The following CADM2 variants were observed in gnomAD, a reference collection of about 807,000 sequenced individuals.
CADM2 encodes immunoglobulin superfamily member 4D.
A neutral mutation model predicts 49.8 loss-of-function variants in CADM2; 12 were observed. That is an observed-to-expected ratio of 0.24 (90% confidence interval 0.15 to 0.39). CADM2 has a LOEUF of 0.39. CADM2 is among the 10% of genes least tolerant of loss of function. The pLI is 1.00. For synonymous variants in CADM2, 214 were observed against 175.4 expected (o/e 1.22, Z -1.74); for missense variants, 378 against 492.3 (o/e 0.77, Z 2.20).
intron 1 of CADM2, among the ~76,000 whole-genome samples, chr3:85,005,880 G>A (rs909998950): frequency 5.3e-5 from 8 of 151,948 alleles, no homozygotes; most frequent in Non-Finnish European, 7.4e-5. Context: ...ACTTAAAGTG[G>A]GATTCAATTA....
chr3:85,459,484 C>T (rs2038141391), intron 1 of CADM2, among the ~76,000 whole-genome samples: 1 of 152,110 alleles, frequency 6.6e-6, no homozygotes, highest in Non-Finnish European at 1.5e-5. Flanking sequence ...GGGGACTACG[C>T]TGTGTCAAAC....
chr3:85,318,263 A>C (rs60794345), intron 1 of CADM2, among the ~76,000 whole-genome samples: 12,018 of 152,078 alleles, frequency 0.079, 905 homozygotes, highest in African/African-American at 0.2. Flanking sequence ...AACAGGGAGA[A>C]AAAGTCATAT....
intron 1 of CADM2, among the ~76,000 whole-genome samples, chr3:85,291,511 G>C (rs1195179414): frequency 6.8e-6 from 1 of 147,504 alleles, no homozygotes; most frequent in Non-Finnish European, 1.5e-5. Flanking sequence ...TTGAAATGAA[G>C]GAAAAAATGT....
chr3:85,410,633 G>T (rs537121534), intron 1 of CADM2, among the ~76,000 whole-genome samples: 1 of 152,286 alleles, frequency 6.6e-6, no homozygotes, highest in South Asian at 2.1e-4. Context: ...TGCCGAAACA[G>T]TTAAAAAGAG....
chr3:85,119,476 A>G (rs1170104891), intron 1 of CADM2, among the ~76,000 whole-genome samples: 1 of 152,004 alleles, frequency 6.6e-6, no homozygotes, highest in Non-Finnish European at 1.5e-5. Context: ...TCTTAGGTAT[A>G]TGGGCTCCTT....
At chr3:85,389,132 T>C (rs1246962632) in intron 1 of CADM2, among the ~76,000 whole-genome samples, 5 of 152,140 alleles carry the variant, frequency 3.3e-5, no homozygotes, top group Non-Finnish European at 7.4e-5. Flanking sequence ...ATGTCACTTA[T>C]GTGCATTTCT....
At chr3:85,739,703 A>G (rs980876167) in intron 2 of CADM2, among the ~76,000 whole-genome samples, 5 of 152,156 alleles carry the variant, frequency 3.3e-5, no homozygotes, top group African/African-American at 9.6e-5. Context: ...CAAAGCATTT[A>G]TAGTTACAGG....
chr3:85,662,483 T>G (rs1259794855), intron 1 of CADM2, among the ~76,000 whole-genome samples: 1 of 151,940 alleles, frequency 6.6e-6, no homozygotes, highest in Non-Finnish European at 1.5e-5. Flanking sequence ...AGAAAACTTC[T>G]CAAACCACTC....
At position 84,972,970 on chromosome 3, in the gene CADM2, A is replaced by G. The variant is rs553318411; in HGVS notation, c.61+13302A>G. Reference sequence around the variant, plus strand: ...TGCTCTGTCGCCCAGGCTAGAGTGCAGTGGCATGATCCTGCCTCACTGCAA... The same window carrying G: ...TGCTCTGTCGCCCAGGCTAGAGTGCGGTGGCATGATCCTGCCTCACTGCAA... On this transcript the variant is annotated intron_variant, in intron 1 of 9. Coordinates refer to ENST00000383699, the MANE Select transcript of CADM2 (RefSeq NM_001167675.2). Among the ~76,000 whole-genome samples, 3 of 152,238 alleles carry G rather than the reference A, an allele frequency of 2.0e-5. No homozygotes were observed. The East Asian group carries it at 5.8e-4, about 29-fold the overall frequency.
At chr3:85,087,449 C>G (rs1051100269) in intron 1 of CADM2, among the ~76,000 whole-genome samples, 3 of 152,118 alleles carry the variant, frequency 2.0e-5, no homozygotes, top group East Asian at 1.9e-4. Flanking sequence ...GTTCAGTGAG[C>G]TTTATACATT....
chr3:86,004,829 T>A (rs146399043), intron 8 of CADM2, among the ~76,000 whole-genome samples: 1 of 152,186 alleles, frequency 6.6e-6, no homozygotes, highest in African/African-American at 2.4e-5. Context: ...GGACTGAAGT[T>A]CAGTGGTAAC....
intron 2 of CADM2, among the ~76,000 whole-genome samples, chr3:85,785,084 T>G (rs2070897875): frequency 6.6e-6 from 1 of 152,124 alleles, no homozygotes; most frequent in Non-Finnish European, 1.5e-5. Flanking sequence ...GTTAACATAA[T>G]AAACTCTAAT....
chr3:85,665,485 A>T (rs952323581), intron 1 of CADM2, among the ~76,000 whole-genome samples: 76 of 151,906 alleles, frequency 5.0e-4, no homozygotes, highest in Non-Finnish European at 1.8e-4. Flanking sequence ...GTAACAGTTA[A>T]TTTTGTTTTG....
intron 1 of CADM2, among the ~76,000 whole-genome samples, chr3:85,158,133 A>G (rs1050598086): frequency 2.0e-4 from 30 of 152,238 alleles, no homozygotes; most frequent in African/African-American, 6.8e-4. Context: ...AATCGAAACC[A>G]CAATGAGATA....
intron 1 of CADM2, among the ~76,000 whole-genome samples, chr3:85,366,809 C>A (rs576135715): frequency 6.6e-6 from 1 of 152,002 alleles, no homozygotes; most frequent in African/African-American, 2.4e-5. Flanking sequence ...TTATGTCAAT[C>A]TTTTATGTTT....
intron 1 of CADM2, among the ~76,000 whole-genome samples, chr3:85,491,900 G>A (rs938865406): frequency 7.3e-5 from 11 of 150,962 alleles, no homozygotes; most frequent in Non-Finnish European, 1.2e-4. Flanking sequence ...TGCAGTGAGC[G>A]GAGATCGCGC....
intron 3 of CADM2, among the ~76,000 whole-genome samples, chr3:85,853,792 A>G (rs1301531862): frequency 6.6e-6 from 1 of 152,100 alleles, no homozygotes; most frequent in African/African-American, 2.4e-5. Flanking sequence ...TAATATATAA[A>G]TGTTATTAGT....
intron 1 of CADM2, among the ~76,000 whole-genome samples, chr3:85,563,648 G>A (rs2062166295): frequency 6.6e-6 from 1 of 152,072 alleles, no homozygotes; most frequent in South Asian, 2.1e-4. Flanking sequence ...CTTAAAAAAG[G>A]GAGCGGAATT....
At chr3:85,289,935 G>A (rs368396069) in intron 1 of CADM2, among the ~76,000 whole-genome samples, 1 of 152,158 alleles carries the variant, frequency 6.6e-6, no homozygotes, top group South Asian at 2.1e-4. Context: ...GTAAATGGAG[G>A]AGCCAAGATG....
Sources: gnomAD v4.1 joint callset for allele counts (sites outside exome capture counted in the v4.1 genomes callset) on GRCh38, gnomAD v4.1.1 for gene constraint, MANE v1.5 for transcripts, NCBI Gene and HGNC (gene_info 2026-07-23, HGNC 2026-07-21) for gene names.